Variants in RNF43 observed in about 807,000 individuals in gnomAD.
RNF43 encodes ring finger protein 43.
A neutral mutation model predicts 78.4 loss-of-function variants in RNF43; 37 were observed. That is an observed-to-expected ratio of 0.47 (90% CI 0.36 to 0.62). The LOEUF (loss-of-function observed/expected upper bound fraction) is 0.62. Ranked by LOEUF, RNF43 falls within the 20% of genes least tolerant of loss-of-function variation. The pLI, the probability that RNF43 is intolerant of heterozygous loss-of-function variation, is 0.00. For missense variants in RNF43, 774 were observed against 1,007.9 expected, an observed-to-expected ratio of 0.77 and a Z score of 3.14; for synonymous variants, 347 against 395.0, an observed-to-expected ratio of 0.88 and a Z score of 1.44.
chr17:58,359,624 A>G (rs888476167), intron 8 of RNF43, among the ~76,000 whole-genome samples: 5 of 148,826 alleles, frequency 3.4e-5, no homozygotes, highest in African/African-American at 7.4e-5. Context: ...AATAATAATA[A>G]TAATAATAAA....
At chr17:58,386,307 T>A (rs1296738219) in intron 2 of RNF43, among the ~76,000 whole-genome samples, 2 of 151,022 alleles carry the variant, frequency 1.3e-5, no homozygotes, top group Admixed American at 6.6e-5. Context: ...GCGCTGGTAG[T>A]CCCAGCTACT....
chr17:58,399,279 T>G (rs1973746163), intron 2 of RNF43, among the ~76,000 whole-genome samples: 1 of 152,202 alleles, frequency 6.6e-6, no homozygotes, highest in Admixed American at 6.5e-5. Flanking sequence ...TTTTTTATAC[T>G]GCAGACTGTT....
intron 2 of RNF43, among the ~76,000 whole-genome samples, chr17:58,407,207 T>C (rs1328697974): frequency 6.6e-6 from 1 of 151,234 alleles, no homozygotes; most frequent in Non-Finnish European, 1.5e-5. Flanking sequence ...GCCTCCTGAG[T>C]AGCTGGGACT....
chr17:58,368,503 C>T (rs1258314455), intron 3 of RNF43, among the ~76,000 whole-genome samples: 7 of 150,946 alleles, frequency 4.6e-5, no homozygotes, highest in Non-Finnish European at 7.4e-5. Context: ...GCTGAGACCA[C>T]GCCACTGCAC....
intron 2 of RNF43, among the ~76,000 whole-genome samples, chr17:58,374,279 C>T (rs933930041): frequency 2.6e-5 from 4 of 152,016 alleles, no homozygotes; most frequent in South Asian, 2.1e-4. Context: ...ATACCTTCCC[C>T]GAACTCATTT....
chr17:58,396,246 A>G (rs371494411), intron 2 of RNF43, among the ~76,000 whole-genome samples: 1 of 152,198 alleles, frequency 6.6e-6, no homozygotes, highest in Non-Finnish European at 1.5e-5. Flanking sequence ...GACAGTGGGC[A>G]TGGATTTTCA....
At chr17:58,393,889 C>T (rs1334601753) in intron 2 of RNF43, among the ~76,000 whole-genome samples, 2 of 152,048 alleles carry the variant, frequency 1.3e-5, no homozygotes, top group African/African-American at 4.8e-5. Flanking sequence ...CCCGTCTCTA[C>T]TAAAAATACA....
chr17:58,400,756 G>A (rs1973779161), intron 2 of RNF43, among the ~76,000 whole-genome samples: 1 of 152,124 alleles, frequency 6.6e-6, no homozygotes, highest in Non-Finnish European at 1.5e-5. Context: ...TGAATCCTGT[G>A]CAAAGAGCAC....
chr17:58,397,554 T>G (rs1973708831), intron 2 of RNF43, among the ~76,000 whole-genome samples: 1 of 151,608 alleles, frequency 6.6e-6, no homozygotes, highest in Non-Finnish European at 1.5e-5. Flanking sequence ...TGCCAACTAC[T>G]CAGGAGGCTG....
At position 58,357,984 on chromosome 17, in the gene RNF43, C is replaced by A. The variant is rs2143399914; in HGVS notation, c.1792G>T (p.Val598Phe). Residue 598 changes from valine (V) to phenylalanine (F), a missense_variant, in exon 9 of 10, where the codon GTC (valine) becomes TTC (phenylalanine). By Grantham distance (50) the Val-to-Phe change is conservative. Transcript: ENST00000407977. The surrounding 1 kb of genome is among the most constrained non-coding windows in gnomAD (Gnocchi z 4.5). ...GGGGCTGCTGAGTTGGATCTGGTGACTTGCTGATCAGGAGAAGGTGGCTCT... is the reference window on the plus strand; with the variant it reads ...GGGGCTGCTGAGTTGGATCTGGTGAATTGCTGATCAGGAGAAGGTGGCTCT... ...QPEPPSPDQQVTRSNSAAPSG... is the reference protein window; with the variant it reads ...QPEPPSPDQQFTRSNSAAPSG... The A allele has an allele frequency of 1.2e-6, 2 of 1,608,324 alleles. No individual in the cohort carries two copies. The highest frequency in any genetic ancestry group is 1.7e-6 in the Non-Finnish European group (2 of 1,177,482).
At chr17:58,363,638 G>A (rs2143475271) in intron 3 of RNF43, 38 bp from the exon 4 acceptor site, 1 of 1,577,708 alleles carries the variant, frequency 6.3e-7, no homozygotes, top group Non-Finnish European at 8.6e-7. Context: ...CTGAGGTCAG[G>A]GAAGGACAGA....
chr17:58,364,982 G>A (rs1169539322), intron 3 of RNF43, among the ~76,000 whole-genome samples: 1 of 152,198 alleles, frequency 6.6e-6, no homozygotes, highest in African/African-American at 2.4e-5. Context: ...ACACTCAAGC[G>A]GGGCCCTGTT....
chr17:58,358,348 A>T lies in RNF43; in HGVS notation c.1428T>A (p.Ser476Arg), dbSNP rs1972747030. 6.2e-7 allele frequency: 1 copy of T among 1,614,140 alleles called. No homozygotes were observed. Among genetic ancestry groups the T allele is most frequent in the East Asian group, 2.2e-5 (1 of 44,880 alleles). The change falls in exon 9 of 10, where the codon AGT (serine) becomes AGA (arginine). Residue 476 changes from serine (S) to arginine (R), a missense_variant. Coordinates refer to ENST00000407977, the MANE Select transcript of RNF43 (RefSeq NM_017763.6). This position sits in a 1 kb window ranked among gnomAD's most constrained non-coding sequence, Gnocchi z 6.2. ...SSSGPCHGSS[S>R]DSVVNCTDIS... ...TGTCCGTGCAGTTGACCACAGAGTC[A>T]CTGGAAGAGCCATGACAGGGCCCTG...
chr17:58,373,890 A>G (rs144908396), intron 2 of RNF43, among the ~76,000 whole-genome samples: 9 of 152,244 alleles, frequency 5.9e-5, no homozygotes, highest in African/African-American at 2.2e-4. Flanking sequence ...TTTGAACTCA[A>G]CTCTGCCTGA....
downstream of RNF43, chr17:58,352,560 T>A (rs1972579714): frequency 4.5e-6 from 1 of 220,792 alleles, no homozygotes; most frequent in South Asian, 1.8e-4. Context: ...TTGTTTTTTT[T>A]TGTTTTGTCT....
rs148510126 is a variant in RNF43, at chr17:58,373,197, G to A, written c.253-2164C>T. Among the ~76,000 whole-genome samples, 377 of 152,252 alleles carry A rather than the reference G, an allele frequency of 2.5e-3. 6 individuals are homozygous for A. Among genetic ancestry groups the A allele is most frequent in the African/African-American group, 8.5e-3 (353 of 41,536 alleles). ...CTTCTCCTGATGACTCCAAGATGCC[G>A]CTCACTGACCAGAGGGTCGCCTGGG... On this transcript the variant is annotated intron_variant, in intron 2 of 9. Coordinates refer to ENST00000407977, the MANE Select transcript of RNF43 (RefSeq NM_017763.6).
chr17:58,355,562 TG>T (rs1433021158), intron 9 of RNF43, among the ~76,000 whole-genome samples: 1 of 152,208 alleles, frequency 6.6e-6, no homozygotes, highest in Non-Finnish European at 1.5e-5. Context: ...TTACCCAGTT[TG>T]GCTAAAGCAT....
At chr17:58,414,958 A>T (rs1292265981) in intron 2 of RNF43, among the ~76,000 whole-genome samples, 1 of 152,218 alleles carries the variant, frequency 6.6e-6, no homozygotes, top group Non-Finnish European at 1.5e-5. Flanking sequence ...GCTTACTTCA[A>T]TTTAAACAGG....
At chr17:58,377,394 G>C (rs1973224824) in intron 2 of RNF43, among the ~76,000 whole-genome samples, 1 of 152,090 alleles carries the variant, frequency 6.6e-6, no homozygotes, top group Non-Finnish European at 1.5e-5. Context: ...GTTCTGCAAG[G>C]CGCATTCTGG....
Sources: allele counts gnomAD v4.1 joint callset (sites outside exome capture counted in the v4.1 genomes callset), GRCh38; gene constraint gnomAD v4.1.1; non-coding constraint Gnocchi (gnomAD v3.1); transcripts MANE v1.5; gene names NCBI Gene and HGNC (gene_info 2026-07-23, HGNC 2026-07-21).